DEFB135: variants seen among roughly 807,000 people sequenced by gnomAD.
The protein encoded by DEFB135 is beta-defensin 135.
Under a neutral mutation model 8.9 loss-of-function variants are expected in DEFB135, and 14 were observed. The ratio of observed to expected loss-of-function variants is 1.58; its 90% CI spans 1.04 to 2.47. The LOEUF (loss-of-function observed/expected upper bound fraction) is 2.47, where lower values mean the gene tolerates loss of function less well. DEFB135 is among the 30% of genes most tolerant of loss of function. DEFB135 has a pLI of 0.00. For missense variants in DEFB135, 135 were observed against 94.2 expected (o/e 1.43, Z -1.79); for synonymous variants, 51 against 34.5 (o/e 1.48, Z -1.67).
rs377011787 is a variant in DEFB135, at chr8:11,984,407, G to T, written c.65-14G>T. ...GGACACTAACTGTGCATTAACCTTTGTTTCTCTTGGCAGGTAGAAGTGGAC... is the reference window on the plus strand; with the variant it reads ...GGACACTAACTGTGCATTAACCTTTTTTTCTCTTGGCAGGTAGAAGTGGAC... On this transcript the variant is annotated splice_polypyrimidine_tract_variant and intron_variant, in intron 1 of 1. Transcript: ENST00000382208. The T allele has an allele frequency of 8.5e-5, 128 of 1,509,558 alleles. No individual in the cohort carries two copies. The highest frequency in any genetic ancestry group is 1.1e-4 in the Non-Finnish European group (122 of 1,114,748). The allele number at this position is 1,509,558 out of a possible 1,614,324, so 93.5% of individuals were successfully genotyped here.
chr8:11,984,284 A>G, intron 1 of DEFB135, 137 bp from the exon 2 acceptor site: 1 of 643,326 alleles, frequency 1.6e-6, no homozygotes, highest in Middle Eastern at 3.2e-4. Flanking sequence ...ATCCAGCTAT[A>G]AAATGTCTTG....
intron 1 of DEFB135, among the ~76,000 whole-genome samples, chr8:11,983,989 C>T (rs549797690): frequency 1.3e-5 from 2 of 152,144 alleles, no homozygotes; most frequent in Non-Finnish European, 2.9e-5. Flanking sequence ...TCTAAAATTC[C>T]ACTTCAGTGA....
intron 1 of DEFB135, 48 bp downstream of exon 1, chr8:11,982,432 A>C: frequency 6.2e-7 from 1 of 1,606,630 alleles, no homozygotes; most frequent in Non-Finnish European, 8.5e-7. Flanking sequence ...TAAAGGGAAA[A>C]AAGGTGTGAG....
In DEFB135 at chr8:11,984,538, T is replaced by C. The variant is rs778893958; in HGVS notation, c.182T>C (p.Ile61Thr). ...NEQYRILCDT[I>T]HLCCVNPKYL... ...CAATATCGTATTTTGTGTGATACTA[T>C]ACATTTGTGCTGTGTAAACCCAAAA... is the stretch of plus-strand genomic sequence containing the variant. Residue 61 changes from isoleucine to threonine, a missense_variant, in exon 2 of 2, where the codon ATA becomes ACA. Coordinates refer to ENST00000382208, the MANE Select transcript of DEFB135 (RefSeq NM_001033017.3). 1.5e-5 allele frequency: 24 copies of C among 1,572,344 alleles called. No individual in the cohort carries two copies. The highest frequency in any genetic ancestry group is 2.0e-5 in the Non-Finnish European group (23 of 1,149,148).
At position 11,983,715 on chromosome 8, in the gene DEFB135, AC is replaced by A. The variant is rs113877981; in HGVS notation, c.65-703del. Among the ~76,000 whole-genome samples, 617 of 152,262 alleles carry A rather than the reference AC, an allele frequency of 4.1e-3. 4 individuals are homozygous for A. Among genetic ancestry groups the A allele is most frequent in the African/African-American group, 0.014 (578 of 41,554 alleles). ...GATACAGTAGGGGCAACTCAGGGCC[AC>A]CCTTACCCTCTTAAACTGCCTTCCT... On this transcript the variant is annotated intron_variant, in intron 1 of 1. Coordinates refer to ENST00000382208, the MANE Select transcript of DEFB135 (RefSeq NM_001033017.3).
At chr8:11,983,433 C>T (rs767994502) in intron 1 of DEFB135, among the ~76,000 whole-genome samples, 15 of 152,048 alleles carry the variant, frequency 9.9e-5, no homozygotes, top group Non-Finnish European at 2.1e-4. Flanking sequence ...AAGACAGATA[C>T]GAATGAGGAC....
chr8:11,982,447 T>C, intron 1 of DEFB135, 63 bp downstream of exon 1: 3 of 1,585,942 alleles, frequency 1.9e-6, no homozygotes, highest in Admixed American at 1.7e-5. Context: ...TGTGAGGTTC[T>C]ACAAGAGTGA....
rs114212333 is a variant in DEFB135, at chr8:11,984,376, A to G, written c.65-45A>G. 1.2e-3 allele frequency: 1,670 copies of G among 1,357,520 alleles called. 21 individuals carry two copies. In the African/African-American group the frequency reaches 0.022, roughly 18 times the overall value. The allele number at this position is 1,357,520 out of a possible 1,614,324, so 84.1% of individuals were successfully genotyped here. A position where few individuals can be genotyped will look rare whatever the true frequency, so the allele number is the denominator to read the frequency against. On this transcript the variant is annotated intron_variant, in intron 1 of 1. Coordinates refer to ENST00000382208, the MANE Select transcript of DEFB135 (RefSeq NM_001033017.3). ...CTAATTTTATCCATGACAACATGAC[A>G]CTTCAGGACACTAACTGTGCATTAA...
intron 1 of DEFB135, among the ~76,000 whole-genome samples, chr8:11,983,225 C>G (rs949238624): frequency 5.9e-5 from 9 of 152,038 alleles, no homozygotes; most frequent in African/African-American, 2.2e-4. Flanking sequence ...GAAAACCCGT[C>G]TCTACTAAAA....
rs1288936156 is a variant in DEFB135 at position 11,982,330 on chromosome 8, AGGAGCGTCCTCTT to A, written c.13_25del (p.Ser5ProfsTer41). ...TTCTTTGCTGATTGGTATGGCCACA[AGGAGCGTCCTCTT>A]GGCCCTCGTGGTCCTTAACTTACTC... On this transcript the variant is annotated frameshift_variant, in exon 1 of 2. Transcript: ENST00000382208. LOFTEE classifies it high-confidence loss of function. 1.2e-6 allele frequency: 2 copies of A among 1,614,064 alleles called. No individual in the cohort carries two copies. The highest frequency in any genetic ancestry group is 1.7e-6 in the Non-Finnish European group (2 of 1,180,022).
Position 11,982,370 on chromosome 8 carries a change from T to A in DEFB135, c.50T>A (p.Phe17Tyr), listed in dbSNP as rs755475708. The A allele has an allele frequency of 2.5e-6, 4 of 1,614,140 alleles. No homozygotes were observed. The highest frequency in any genetic ancestry group is 8.5e-7 in the Non-Finnish European group (1 of 1,180,018). Reference protein sequence around the residue: ...LLALVVLNLLFYVPPGRSGPN... With the variant: ...LLALVVLNLLYYVPPGRSGPN... The stretch of plus-strand genomic sequence containing the variant: ...GCCCTCGTGGTCCTTAACTTACTCT[T>A]CTATGTTCCACCAGGTAAAATGGAG... Residue 17 changes from phenylalanine (F) to tyrosine (Y), a missense_variant, in exon 1 of 2, where the codon TTC (phenylalanine) becomes TAC (tyrosine). By Grantham distance (22) the Phe-to-Tyr change is conservative. Transcript: ENST00000382208.
In DEFB135 at chr8:11,984,422, T is replaced by G. The variant is rs532219560; in HGVS notation, c.66T>G (p.Gly22=). 2 of 1,534,288 alleles carry G rather than the reference T, an allele frequency of 1.3e-6. No individual in the cohort carries two copies. The highest frequency in any genetic ancestry group is 4.6e-5 in the East Asian group (2 of 43,272). Residue 22 remains glycine (G), a splice_region_variant and synonymous_variant, in exon 2 of 2, where the codon GGT becomes GGG. Transcript: ENST00000382208. ...VLNLLFYVPP[G]RSGPNVYIQK... is the part of the protein sequence containing the mutation. ...ATTAACCTTTGTTTCTCTTGGCAGG[T>G]AGAAGTGGACCCAATGTCTACATAC...
At position 11,983,824 on chromosome 8, in the gene DEFB135, T is replaced by G. The variant is rs145716096; in HGVS notation, c.65-597T>G. Among the ~76,000 whole-genome samples, 470 of 152,068 alleles carry G rather than the reference T, an allele frequency of 3.1e-3. 2 individuals carry two copies. The highest frequency in any genetic ancestry group is 0.01 in the African/African-American group (418 of 41,490). On this transcript the variant is annotated intron_variant, in intron 1 of 1. Coordinates refer to ENST00000382208, the MANE Select transcript of DEFB135 (RefSeq NM_001033017.3). ...AATTACTAGCAATAAATTTCCATAT[T>G]TGTCTCAGGTATTTCAAACCATTTC...
rs1288656476 is a variant in DEFB135 at position 11,982,363 on chromosome 8, T to G, written c.43T>G (p.Leu15Val). The G allele has an allele frequency of 7.4e-6, 12 of 1,614,180 alleles. No homozygotes were observed. The highest frequency in any genetic ancestry group is 1.0e-5 in the Non-Finnish European group (12 of 1,180,030). Residue 15 changes from leucine to valine, a missense_variant, in exon 1 of 2, where the codon TTA becomes GTA. By Grantham distance (32) the Leu-to-Val change is conservative. Transcript: ENST00000382208. ...CCTCTTGGCCCTCGTGGTCCTTAACTTACTCTTCTATGTTCCACCAGGTAA... is the reference window on the plus strand; with the variant it reads ...CCTCTTGGCCCTCGTGGTCCTTAACGTACTCTTCTATGTTCCACCAGGTAA... ...SVLLALVVLN[L>V]LFYVPPGRSG...
At position 11,982,320 on chromosome 8, in the gene DEFB135, T is replaced by C. The variant is rs1799747858; in HGVS notation, c.-1T>C. ...TCACAGCTGCTTCTTTGCTGATTGG[T>C]ATGGCCACAAGGAGCGTCCTCTTGG... On this transcript the variant is annotated 5_prime_UTR_variant, in exon 1 of 2. Transcript: ENST00000382208. The C allele has an allele frequency of 6.2e-7, 1 of 1,614,154 alleles. No individual in the cohort carries two copies. Among genetic ancestry groups the C allele is most frequent in the African/African-American group, 1.3e-5 (1 of 75,056 alleles).
At position 11,983,375 on chromosome 8, in the gene DEFB135, C is replaced by T. The variant is rs982471037; in HGVS notation, c.64+991C>T. On this transcript the variant is annotated intron_variant, in intron 1 of 1. Transcript: ENST00000382208. ...ATTGCACTCCAGCCTGGGCAACAAG[C>T]GTGAAACTTCATCTCAAAAATAAAA... Among the ~76,000 whole-genome samples the T allele has an allele frequency of 1.1e-4, 17 of 152,114 alleles. No individual in the cohort carries two copies. The South Asian group carries it at 1.7e-3, about 15-fold the overall frequency.
Position 11,984,536 on chromosome 8 carries a change from T to C in DEFB135, c.180T>C (p.Thr60=). The C allele has an allele frequency of 2.5e-6, 4 of 1,572,770 alleles. No individual in the cohort carries two copies. Among genetic ancestry groups the C allele is most frequent in the Non-Finnish European group, 2.6e-6 (3 of 1,149,428 alleles). Reference sequence around the variant, plus strand: ...AACAATATCGTATTTTGTGTGATACTATACATTTGTGCTGTGTAAACCCAA... The same window carrying C: ...AACAATATCGTATTTTGTGTGATACCATACATTTGTGCTGTGTAAACCCAA... The part of the protein sequence containing the change: ...KNEQYRILCD[T]IHLCCVNPKY... Residue 60 remains threonine (T), a synonymous_variant, in exon 2 of 2, where the codon ACT becomes ACC. Coordinates refer to ENST00000382208, the MANE Select transcript of DEFB135 (RefSeq NM_001033017.3).
chr8:11,984,110 C>G (rs77658611), intron 1 of DEFB135, among the ~76,000 whole-genome samples: 10 of 152,206 alleles, frequency 6.6e-5, no homozygotes, highest in Non-Finnish European at 1.2e-4. Context: ...GGGATGACTT[C>G]GATGTCTGAA....
Position 11,982,342 on chromosome 8 carries a change from T to C in DEFB135, c.22T>C (p.Leu8=), listed in dbSNP as rs771170568. 34 of 1,614,060 alleles carry C rather than the reference T, an allele frequency of 2.1e-5. No individual in the cohort carries two copies. Among genetic ancestry groups the C allele is most frequent in the Admixed American group, 3.3e-5 (2 of 60,006 alleles). Residue 8 remains leucine (L), a synonymous_variant, in exon 1 of 2, where the codon TTG becomes CTG. Coordinates refer to ENST00000382208, the MANE Select transcript of DEFB135 (RefSeq NM_001033017.3). MATRSVL[L]ALVVLNLLFY... is the part of the protein sequence containing the mutation. ...TGGTATGGCCACAAGGAGCGTCCTC[T>C]TGGCCCTCGTGGTCCTTAACTTACT... is the stretch of plus-strand genomic sequence containing the variant.
Sources: gnomAD v4.1 joint callset for allele counts (sites outside exome capture counted in the v4.1 genomes callset) on GRCh38, gnomAD v4.1.1 for gene constraint, MANE v1.5 for transcripts, NCBI Gene and HGNC (gene_info 2026-07-23, HGNC 2026-07-21) for gene names.